The following NXPE2 variants were observed in gnomAD, a reference collection of about 807,000 sequenced individuals.
NXPE2 encodes the protein neurexophilin and PC-esterase domain family member 2, also known as NXPE family member 2.
Under a neutral mutation model 34.4 loss-of-function variants are expected in NXPE2, and 34 were observed. The ratio of observed to expected loss-of-function variants is 0.99; its 90% CI spans 0.75 to 1.31. The LOEUF (loss-of-function observed/expected upper bound fraction) is 1.31, where lower values mean the gene tolerates loss of function less well. NXPE2 is among the 40% of genes most tolerant of loss of function. NXPE2 has a pLI of 0.00. For synonymous variants in NXPE2, 235 were observed against 231.3 expected (o/e 1.02, Z -0.15); for missense variants, 649 against 672.5 (o/e 0.97, Z 0.39).
the NXPE2 span, among the ~76,000 whole-genome samples, chr11:114,638,720 A>G: frequency 9.9e-5 from 15 of 152,124 alleles, no homozygotes; most frequent in Non-Finnish European, 1.8e-4. Flanking sequence ...GGTGTTTGCT[A>G]GAAGTCTACT....
At chr11:114,631,776 T>G in the NXPE2 span, among the ~76,000 whole-genome samples, 1 of 151,828 alleles carries the variant, frequency 6.6e-6, no homozygotes, top group Non-Finnish European at 1.5e-5. Context: ...AAGTATTGCC[T>G]CATGAGTAAT....
the NXPE2 span, among the ~76,000 whole-genome samples, chr11:114,650,598 G>A: frequency 6.6e-6 from 1 of 152,194 alleles, no homozygotes; most frequent in African/African-American, 2.4e-5. Flanking sequence ...GCAAAGGGAG[G>A]AGGTGGAAGA....
chr11:114,574,395 C>T, the NXPE2 span, among the ~76,000 whole-genome samples: 1 of 151,114 alleles, frequency 6.6e-6, no homozygotes, highest in Non-Finnish European at 1.5e-5. Context: ...AAAAGTAATA[C>T]AAAAATAAAT....
chr11:114,763,931 T>G, the NXPE2 span, among the ~76,000 whole-genome samples: 1 of 152,204 alleles, frequency 6.6e-6, no homozygotes, highest in East Asian at 1.9e-4. Flanking sequence ...ATCTGAAAAG[T>G]GTCATTTTTT....
the NXPE2 span, among the ~76,000 whole-genome samples, chr11:114,614,421 G>C: frequency 6.6e-6 from 1 of 151,060 alleles, no homozygotes; most frequent in South Asian, 2.1e-4. Context: ...TTACCCAGTG[G>C]ATAATAAGTA....
At chr11:114,595,966 T>G in the NXPE2 span, among the ~76,000 whole-genome samples, 1 of 152,158 alleles carries the variant, frequency 6.6e-6, no homozygotes, top group Non-Finnish European at 1.5e-5. Flanking sequence ...AAAAAGAGTG[T>G]TTGATAAATA....
chr11:114,672,370 C>T, the NXPE2 span, among the ~76,000 whole-genome samples: 1 of 150,848 alleles, frequency 6.6e-6, no homozygotes, highest in Non-Finnish European at 1.5e-5. Context: ...AGATGTTACA[C>T]TAGAAAATAT....
the NXPE2 span, among the ~76,000 whole-genome samples, chr11:114,806,881 C>T: frequency 7.3e-4 from 111 of 152,038 alleles, no homozygotes; most frequent in Non-Finnish European, 1.4e-3. Flanking sequence ...CTCCAAGACA[C>T]GTAATTGTCA....
chr11:114,559,840 C>T, the NXPE2 span: 2 of 152,302 alleles, frequency 1.3e-5, no homozygotes, highest in Admixed American at 1.3e-4. Context: ...GGAAAAGTAC[C>T]TGTGAGTTCT....
At chr11:114,733,156 G>A in the NXPE2 span, among the ~76,000 whole-genome samples, 1 of 152,132 alleles carries the variant, frequency 6.6e-6, no homozygotes, top group Admixed American at 6.5e-5. Flanking sequence ...GAATGCAGTG[G>A]CGCAATCTCG....
chr11:114,582,144 C>T, the NXPE2 span: 2 of 855,502 alleles, frequency 2.3e-6, no homozygotes, highest in South Asian at 2.0e-5. Flanking sequence ...GGCACTGTCT[C>T]TAAATGAATT....
At chr11:114,628,793 A>C in the NXPE2 span, among the ~76,000 whole-genome samples, 13 of 152,110 alleles carry the variant, frequency 8.5e-5, 1 homozygote, top group African/African-American at 3.1e-4. Context: ...ATAATGAAAA[A>C]AAGAGAGAAG....
chr11:114,583,925 A>AAT, the NXPE2 span: 2 of 392,218 alleles, frequency 5.1e-6, no homozygotes, highest in African/African-American at 4.2e-5. Flanking sequence ...TTATGCTATT[A>AAT]ACTATCTGCT....
chr11:114,550,980 A>G, the NXPE2 span: 1 of 602,524 alleles, frequency 1.7e-6, no homozygotes, highest in Non-Finnish European at 3.0e-6. Flanking sequence ...AGAGAGAGAG[A>G]AGATAGGGCA....
chr11:114,601,448 T>A, the NXPE2 span, among the ~76,000 whole-genome samples: 1 of 125,956 alleles, frequency 7.9e-6, no homozygotes, highest in African/African-American at 3.0e-5. Context: ...TATGTATATA[T>A]TTATATTATA....
At chr11:114,673,386 C>G in the NXPE2 span, among the ~76,000 whole-genome samples, 1 of 151,274 alleles carries the variant, frequency 6.6e-6, no homozygotes, top group African/African-American at 2.4e-5. Context: ...AGAAAGATCT[C>G]AAATCAATAA....
At chr11:114,530,474 C>T in the NXPE2 span, 4 of 1,614,206 alleles carry the variant, frequency 2.5e-6, no homozygotes, top group Non-Finnish European at 3.4e-6. Context: ...GCAGCAGAGA[C>T]AGGGAGACCT....
At chr11:114,545,656 A>G in the NXPE2 span, among the ~76,000 whole-genome samples, 1 of 152,090 alleles carries the variant, frequency 6.6e-6, no homozygotes, top group South Asian at 2.1e-4. Flanking sequence ...TGAAACTGCA[A>G]AAGCTCATTG....
chr11:114,763,024 G>A, the NXPE2 span, among the ~76,000 whole-genome samples: 1 of 152,076 alleles, frequency 6.6e-6, no homozygotes, highest in Non-Finnish European at 1.5e-5. Flanking sequence ...TGTCACTGGG[G>A]ACATTCTACT....
Sources: allele counts gnomAD v4.1 joint callset (sites outside exome capture counted in the v4.1 genomes callset), GRCh38; gene constraint gnomAD v4.1.1; transcripts MANE v1.5; gene names NCBI Gene and HGNC (gene_info 2026-07-23, HGNC 2026-07-21).